Variants in EPHA6 observed in about 807,000 individuals in gnomAD.
EPHA6 encodes ephrin type-A receptor 6.
A neutral mutation model predicts 112.0 loss-of-function variants in EPHA6; 50 were observed. The observed-to-expected ratio is 0.45, with a 90% CI of 0.36 to 0.56. EPHA6 has a LOEUF of 0.56. Among genes scored for constraint, EPHA6 ranks in the 20% least tolerant of loss-of-function variants. The pLI, the probability that EPHA6 is intolerant of heterozygous loss-of-function variation, is 0.00. For synonymous variants in EPHA6, 529 were observed against 490.7 expected, an observed-to-expected ratio of 1.08 and a Z score of -1.03; for missense variants, 1,280 against 1,417.4, an observed-to-expected ratio of 0.90 and a Z score of 1.56.
intron 11 of EPHA6, among the ~76,000 whole-genome samples, chr3:97,570,127 C>T (rs572570665): frequency 1.3e-5 from 2 of 151,944 alleles, no homozygotes; most frequent in African/African-American, 4.8e-5. Flanking sequence ...GATTTTGTAT[C>T]CTAACTACAT....
At chr3:97,132,296 C>G (rs1290650738) in intron 3 of EPHA6, among the ~76,000 whole-genome samples, 1 of 151,986 alleles carries the variant, frequency 6.6e-6, no homozygotes, top group East Asian at 1.9e-4. Flanking sequence ...ACCGTACTTT[C>G]CAAGAGAGGC....
intron 3 of EPHA6, among the ~76,000 whole-genome samples, chr3:97,080,392 A>C (rs1039720552): frequency 3.9e-5 from 6 of 152,086 alleles, no homozygotes; most frequent in Non-Finnish European, 7.4e-5. Context: ...AACTTACCTC[A>C]GAAATAAGTA....
chr3:97,484,997 C>A (rs1019978336), intron 10 of EPHA6, among the ~76,000 whole-genome samples: 3 of 152,250 alleles, frequency 2.0e-5, no homozygotes, highest in Non-Finnish European at 4.4e-5. Context: ...GAATTGCCGA[C>A]AGCTGCCATG....
chr3:96,857,898 A>G (rs10934672), intron 1 of EPHA6, among the ~76,000 whole-genome samples: 2,762 of 152,232 alleles, frequency 0.018, 73 homozygotes, highest in African/African-American at 0.05. Flanking sequence ...TAATGACCCA[A>G]TAACCATGTT....
intron 3 of EPHA6, among the ~76,000 whole-genome samples, chr3:97,004,837 C>A (rs532544189): frequency 5.8e-4 from 88 of 152,166 alleles, no homozygotes; most frequent in South Asian, 3.1e-3. Context: ...AGGAAAGTGT[C>A]CAGTTTTTCC....
intron 6 of EPHA6, among the ~76,000 whole-genome samples, chr3:97,425,624 G>T (rs2089051750): frequency 6.6e-6 from 1 of 152,200 alleles, no homozygotes; most frequent in South Asian, 2.1e-4. Context: ...CTCTGACATG[G>T]CCTGGAGACA....
chr3:97,148,149 T>C (rs1369557612), intron 3 of EPHA6, among the ~76,000 whole-genome samples: 2 of 152,092 alleles, frequency 1.3e-5, no homozygotes, highest in African/African-American at 2.4e-5. Context: ...GAGACACTTG[T>C]AATGAAAGTG....
intron 3 of EPHA6, among the ~76,000 whole-genome samples, chr3:97,200,783 C>T (rs997071514): frequency 1.3e-5 from 2 of 152,002 alleles, no homozygotes; most frequent in Non-Finnish European, 2.9e-5. Context: ...GTCTTCATTC[C>T]GGGAGCCTGC....
At chr3:97,420,696 T>A (rs1459651794) in intron 6 of EPHA6, among the ~76,000 whole-genome samples, 1 of 152,070 alleles carries the variant, frequency 6.6e-6, no homozygotes. Context: ...CTGAAGTGTG[T>A]TCCATAAGGC....
intron 5 of EPHA6, among the ~76,000 whole-genome samples, chr3:97,257,193 A>G (rs1319154472): frequency 2.6e-5 from 4 of 151,980 alleles, no homozygotes; most frequent in Non-Finnish European, 5.9e-5. Context: ...ATATGGTAAA[A>G]ATAAAATCTT....
chr3:97,308,805 C>T (rs1055370775), intron 5 of EPHA6, among the ~76,000 whole-genome samples: 1 of 151,678 alleles, frequency 6.6e-6, no homozygotes, highest in South Asian at 2.1e-4. Context: ...ACATTCTACC[C>T]GAGTATGGCA....
At chr3:97,102,521 A>G (rs544795621) in intron 3 of EPHA6, among the ~76,000 whole-genome samples, 22 of 152,180 alleles carry the variant, frequency 1.4e-4, no homozygotes, top group Admixed American at 3.9e-4. Context: ...CAAACATCCA[A>G]TTATGTACAA....
chr3:96,835,093 AAAGATAGT>A lies in EPHA6; in HGVS notation c.385+20089_385+20096del, dbSNP rs147710485. On this transcript the variant is annotated intron_variant, in intron 1 of 17. Transcript: ENST00000389672. Reference sequence around the variant, plus strand: ...AGTTTGAGTAATTTGCTCAAGGTCAAAAGATAGTAAGTTGTAGATTTGGAAATCAAACC... The same window carrying A: ...AGTTTGAGTAATTTGCTCAAGGTCAAAAGTTGTAGATTTGGAAATCAAACC... Among the ~76,000 whole-genome samples the A allele has an allele frequency of 4.3e-3, 659 of 152,192 alleles. 5 individuals are homozygous for A. Among genetic ancestry groups the A allele is most frequent in the African/African-American group, 0.016 (645 of 41,570 alleles).
At chr3:96,904,983 A>G (rs1418353472) in intron 2 of EPHA6, among the ~76,000 whole-genome samples, 2 of 152,142 alleles carry the variant, frequency 1.3e-5, no homozygotes, top group East Asian at 3.8e-4. Flanking sequence ...AAGCAAATAT[A>G]TTCCTGAAAC....
intron 6 of EPHA6, among the ~76,000 whole-genome samples, chr3:97,426,411 G>A (rs1212250146): frequency 6.6e-6 from 1 of 152,200 alleles, no homozygotes; most frequent in Non-Finnish European, 1.5e-5. Context: ...ACAGTATGGG[G>A]GAACCACCCC....
chr3:96,942,627 G>T (rs963598551), intron 2 of EPHA6, among the ~76,000 whole-genome samples: 11 of 152,150 alleles, frequency 7.2e-5, no homozygotes, highest in African/African-American at 2.7e-4. Flanking sequence ...ACTGTCCTGC[G>T]CCCACTGTCT....
intron 3 of EPHA6, among the ~76,000 whole-genome samples, chr3:97,016,040 GA>G (rs1553688571): frequency 0.044 from 4,013 of 91,930 alleles, 113 homozygotes; most frequent in African/African-American, 0.087. Context: ...CATTCTTCCT[GA>G]AAAAAAAAAA....
intron 3 of EPHA6, among the ~76,000 whole-genome samples, chr3:97,157,265 A>T (rs1268768888): frequency 6.6e-6 from 1 of 152,108 alleles, no homozygotes; most frequent in Non-Finnish European, 1.5e-5. Flanking sequence ...TTATATTCTT[A>T]TTAAAGTTTC....
chr3:97,545,344 A>C (rs888826198), intron 11 of EPHA6, among the ~76,000 whole-genome samples: 4 of 152,178 alleles, frequency 2.6e-5, no homozygotes, highest in African/African-American at 9.7e-5. Flanking sequence ...ATTCAGGAGC[A>C]GGTTGTTCAG....
Sources: allele counts gnomAD v4.1 joint callset (sites outside exome capture counted in the v4.1 genomes callset), GRCh38; gene constraint gnomAD v4.1.1; transcripts MANE v1.5; gene names NCBI Gene and HGNC (gene_info 2026-07-23, HGNC 2026-07-21).